Variants in PDE11A observed in about 807,000 individuals in gnomAD.
PDE11A encodes the protein dual 3',5'-cyclic-AMP and -GMP phosphodiesterase 11A.
Under a neutral mutation model 100.5 loss-of-function variants are expected in PDE11A, and 100 were observed. The ratio of observed to expected loss-of-function variants is 1.00; its 90% CI spans 0.85 to 1.18. The LOEUF (loss-of-function observed/expected upper bound fraction) is 1.18, where lower values mean the gene tolerates loss of function less well. Among genes scored for constraint, PDE11A ranks in the 50% most tolerant of loss-of-function variants. The probability of loss-of-function intolerance (pLI) is 0.00; values close to 1 mark genes in which losing one functional copy is unlikely to be tolerated. For missense variants in PDE11A, 1,141 were observed against 1,152.6 expected (o/e 0.99, Z 0.15); for synonymous variants, 381 against 420.8 (o/e 0.91, Z 1.16).
At chr2:177,963,174 A>G (rs554810803) in intron 2 of PDE11A, among the ~76,000 whole-genome samples, 1 of 152,322 alleles carries the variant, frequency 6.6e-6, no homozygotes, top group African/African-American at 2.4e-5. Context: ...CTGCTTCCAA[A>G]TGATTAAATA....
At position 177,824,306 on chromosome 2, in the gene PDE11A, G is replaced by T. The variant is rs571192116; in HGVS notation, c.1501-4011C>A. On this transcript the variant is annotated intron_variant, in intron 6 of 19. Coordinates refer to ENST00000286063, the MANE Select transcript of PDE11A (RefSeq NM_016953.4). ...AATCTTGGAGTCACCAGTCCTCTGG[G>T]TTAATTGCATGGGTAAGATTTAAGT... 3.4e-4 allele frequency among the ~76,000 whole-genome samples: 52 copies of T among 152,314 alleles called. 1 individual carries two copies. Among genetic ancestry groups the T allele is most frequent in the Admixed American group, 1.4e-3 (21 of 15,294 alleles).
chr2:178,023,571 G>A (rs994165337), intron 1 of PDE11A, among the ~76,000 whole-genome samples: 8 of 152,094 alleles, frequency 5.3e-5, no homozygotes, highest in African/African-American at 1.7e-4. Flanking sequence ...AACTAATCTT[G>A]ACCAATGTTT....
At position 177,646,960 on chromosome 2, in the gene PDE11A, G is replaced by T. The variant is rs575433464; in HGVS notation, c.2646+16906C>A. On this transcript the variant is annotated intron_variant, in intron 19 of 19. Coordinates refer to ENST00000286063, the MANE Select transcript of PDE11A (RefSeq NM_016953.4). Reference sequence around the variant, plus strand: ...AATGCTGTCCTTGGTTATCCTGTTAGTTGGATTTTCAGAGCAGACTGGTAG... The same window carrying T: ...AATGCTGTCCTTGGTTATCCTGTTATTTGGATTTTCAGAGCAGACTGGTAG... Among the ~76,000 whole-genome samples, 3 of 152,186 alleles carry T rather than the reference G, an allele frequency of 2.0e-5. No homozygotes were observed. In the South Asian group the frequency reaches 6.2e-4, roughly 32 times the overall value.
At chr2:177,677,502 T>A (rs2080794603) in intron 16 of PDE11A, among the ~76,000 whole-genome samples, 1 of 152,102 alleles carries the variant, frequency 6.6e-6, no homozygotes, top group African/African-American at 2.4e-5. Flanking sequence ...GCAACCTTTG[T>A]CCATCTGGCA....
At chr2:178,054,943 T>G (rs1295825439) in intron 1 of PDE11A, among the ~76,000 whole-genome samples, 1 of 152,232 alleles carries the variant, frequency 6.6e-6, no homozygotes, top group African/African-American at 2.4e-5. Context: ...AGTGTGGCGA[T>G]TCTTCAAGGA....
intron 6 of PDE11A, among the ~76,000 whole-genome samples, chr2:177,824,890 G>C (rs1308035103): frequency 6.6e-6 from 1 of 152,032 alleles, no homozygotes; most frequent in Non-Finnish European, 1.5e-5. Context: ...ATACATTGAA[G>C]GATCCTAGAA....
intron 19 of PDE11A, among the ~76,000 whole-genome samples, chr2:177,632,117 A>G (rs2079959770): frequency 6.6e-6 from 1 of 152,206 alleles, no homozygotes; most frequent in African/African-American, 2.4e-5. Context: ...TGCCATATAG[A>G]ATGAAGATAT....
intron 5 of PDE11A, among the ~76,000 whole-genome samples, chr2:177,871,085 G>A (rs2084123063): frequency 6.6e-6 from 1 of 152,142 alleles, no homozygotes; most frequent in South Asian, 2.1e-4. Flanking sequence ...AAGGAAAAAT[G>A]TCCACATAAA....
intron 12 of PDE11A, among the ~76,000 whole-genome samples, chr2:177,720,209 C>T (rs1396549982): frequency 6.6e-6 from 1 of 152,084 alleles, no homozygotes; most frequent in Admixed American, 6.6e-5. Flanking sequence ...GGGTATCAAA[C>T]TGTTTTATAT....
intron 1 of PDE11A, among the ~76,000 whole-genome samples, chr2:178,070,599 A>G (rs1438534147): frequency 1.3e-5 from 2 of 152,216 alleles, no homozygotes; most frequent in Admixed American, 1.3e-4. Flanking sequence ...ATATTCAGTG[A>G]ATAAGTACTG....
chr2:177,993,241 A>C (rs1182711758), intron 2 of PDE11A, among the ~76,000 whole-genome samples: 1 of 152,242 alleles, frequency 6.6e-6, no homozygotes, highest in Non-Finnish European at 1.5e-5. Context: ...TTGAAGGCAC[A>C]GATTCAACTC....
chr2:178,029,641 A>C (rs1169078488), intron 1 of PDE11A, among the ~76,000 whole-genome samples: 1 of 152,172 alleles, frequency 6.6e-6, no homozygotes, highest in African/African-American at 2.4e-5. Context: ...TGGAAAAAAT[A>C]ATACAAATAA....
At chr2:178,000,481 T>C (rs2086130964) in intron 2 of PDE11A, among the ~76,000 whole-genome samples, 1 of 152,232 alleles carries the variant, frequency 6.6e-6, no homozygotes, top group Admixed American at 6.5e-5. Flanking sequence ...AATTCTGATT[T>C]GAGGCACAAC....
intron 2 of PDE11A, chr2:177,998,746 C>T (rs1317250036): frequency 4.7e-5 from 40 of 848,706 alleles, no homozygotes; most frequent in Non-Finnish European, 6.6e-5. Flanking sequence ...CCATAGTTGC[C>T]GTAAAGCTCC....
intron 19 of PDE11A, among the ~76,000 whole-genome samples, chr2:177,637,521 TC>T (rs1476231834): frequency 6.6e-6 from 1 of 152,028 alleles, no homozygotes; most frequent in Non-Finnish European, 1.5e-5. Context: ...TGTTTTTGTC[TC>T]TTTGTACTTG....
chr2:177,662,880 C>T (rs1418504191), intron 19 of PDE11A, among the ~76,000 whole-genome samples: 1 of 152,106 alleles, frequency 6.6e-6, no homozygotes, highest in Non-Finnish European at 1.5e-5. Context: ...TCAGCAGTTC[C>T]TAAAAGTGCT....
At chr2:177,764,513 T>C (rs1039346841) in intron 10 of PDE11A, among the ~76,000 whole-genome samples, 2 of 152,232 alleles carry the variant, frequency 1.3e-5, no homozygotes, top group Non-Finnish European at 2.9e-5. Flanking sequence ...TTAAGGAAAG[T>C]CCATAAAATT....
chr2:178,012,718 CA>C (rs1451668482), intron 2 of PDE11A, among the ~76,000 whole-genome samples: 1 of 152,148 alleles, frequency 6.6e-6, no homozygotes, highest in Non-Finnish European at 1.5e-5. Flanking sequence ...ACAAATCTAA[CA>C]TAAATGGAAT....
Position 178,071,929 on chromosome 2 carries a change from T to C in PDE11A, c.509A>G (p.His170Arg). 6.2e-7 allele frequency: 1 copy of C among 1,614,050 alleles called. No homozygotes were observed. Among genetic ancestry groups the C allele is most frequent in the African/African-American group, 1.3e-5 (1 of 75,034 alleles). The change falls in exon 1 of 20, where the codon CAT (histidine) becomes CGT (arginine). Residue 170 changes from histidine to arginine, a missense_variant. Transcript: ENST00000286063. ...KASSLPPTTA[H>R]ILSALLESRV... is the part of the protein sequence containing the mutation. Reference sequence around the variant, plus strand: ...CGATTCCAGCAGCGCACTGAGAATATGGGCTGTGGTGGGGGGCAGGGAGCT... The same window carrying C: ...CGATTCCAGCAGCGCACTGAGAATACGGGCTGTGGTGGGGGGCAGGGAGCT...
Sources: gnomAD v4.1 joint callset for allele counts (sites outside exome capture counted in the v4.1 genomes callset) on GRCh38, gnomAD v4.1.1 for gene constraint, MANE v1.5 for transcripts, NCBI Gene and HGNC (gene_info 2026-07-23, HGNC 2026-07-21) for gene names.